Variants in TAFA2 observed in about 807,000 individuals in gnomAD.
TAFA2 encodes chemokine-like protein TAFA-2.
A neutral mutation model predicts 18.8 loss-of-function variants in TAFA2; 7 were observed. The ratio of observed to expected loss-of-function variants is 0.37; its 90% CI spans 0.21 to 0.70. The LOEUF is 0.70. Ranked by LOEUF, TAFA2 falls within the 30% of genes least tolerant of loss-of-function variation. The pLI, the probability that TAFA2 is intolerant of heterozygous loss-of-function variation, is 0.53. For missense variants in TAFA2, 122 were observed against 158.1 expected, an observed-to-expected ratio of 0.77 and a Z score of 1.23; for synonymous variants, 60 against 54.2, an observed-to-expected ratio of 1.11 and a Z score of -0.47.
intron 2 of TAFA2, among the ~76,000 whole-genome samples, chr12:61,807,519 C>A (rs1180881850): frequency 6.6e-6 from 1 of 151,222 alleles, no homozygotes; most frequent in Non-Finnish European, 1.5e-5. Flanking sequence ...TACTGGGGCA[C>A]CACCTAATGG....
intron 1 of TAFA2, among the ~76,000 whole-genome samples, chr12:61,945,409 CCT>C (rs1259688588): frequency 8.9e-6 from 1 of 112,732 alleles, no homozygotes; most frequent in Non-Finnish European, 1.8e-5. Flanking sequence ...ACAGGGATGC[CCT>C]CTCTCACCGC....
intron 2 of TAFA2, among the ~76,000 whole-genome samples, chr12:61,793,132 A>T (rs1412358665): frequency 6.6e-6 from 1 of 151,590 alleles, no homozygotes; most frequent in Non-Finnish European, 1.5e-5. Flanking sequence ...ACCTTATAGC[A>T]CTAAGCATCT....
At chr12:61,713,988 CTG>C (rs1268951492) in intron 4 of TAFA2, among the ~76,000 whole-genome samples, 6 of 152,126 alleles carry the variant, frequency 3.9e-5, no homozygotes, top group East Asian at 1.9e-4. Flanking sequence ...TTCATTCAAA[CTG>C]TATTTTTTGG....
At chr12:62,078,866 G>A (rs1005184900) in intron 1 of TAFA2, among the ~76,000 whole-genome samples, 1 of 152,212 alleles carries the variant, frequency 6.6e-6, no homozygotes, top group Non-Finnish European at 1.5e-5. Flanking sequence ...TCCATCATGA[G>A]CTATGGCCTT....
intron 4 of TAFA2, among the ~76,000 whole-genome samples, chr12:61,738,808 T>C (rs1868352395): frequency 6.6e-6 from 1 of 152,080 alleles, no homozygotes; most frequent in Non-Finnish European, 1.5e-5. Flanking sequence ...CTCCAATGAA[T>C]TTGTGCTTTC....
intron 1 of TAFA2, among the ~76,000 whole-genome samples, chr12:62,184,806 A>C (rs1189576723): frequency 1.3e-5 from 2 of 151,932 alleles, no homozygotes. Flanking sequence ...GGCTGAAAAA[A>C]CACTTTATTT....
At chr12:62,254,799 A>G (rs2062930699) in intron 1 of TAFA2, among the ~76,000 whole-genome samples, 1 of 152,230 alleles carries the variant, frequency 6.6e-6, no homozygotes, top group Non-Finnish European at 1.5e-5. Context: ...CCTGAAACAT[A>G]GATACATTCT....
chr12:62,131,834 T>G (rs925405633), intron 1 of TAFA2, among the ~76,000 whole-genome samples: 4 of 152,004 alleles, frequency 2.6e-5, no homozygotes, highest in African/African-American at 9.7e-5. Flanking sequence ...CAAACCACTA[T>G]TCCCCATTTT....
chr12:61,934,960 C>T lies in TAFA2; in HGVS notation c.-1-67534G>A, dbSNP rs186591901. 3.0e-3 allele frequency among the ~76,000 whole-genome samples: 463 copies of T among 152,156 alleles called. 4 individuals are homozygous for T. Among genetic ancestry groups the T allele is most frequent in the African/African-American group, 8.5e-3 (353 of 41,524 alleles). On this transcript the variant is annotated intron_variant, in intron 1 of 4. Transcript: ENST00000416284. ...AGTGAAGAACACATATATCTCAGAT[C>T]GGATATGATTTATTAAAAAGTAGGT...
chr12:62,120,281 C>T (rs988304589), intron 1 of TAFA2, among the ~76,000 whole-genome samples: 3 of 152,136 alleles, frequency 2.0e-5, no homozygotes, highest in Non-Finnish European at 4.4e-5. Flanking sequence ...ACTTCAACTA[C>T]GTCTGTAATT....
At chr12:61,767,801 G>C (rs1406409635) in intron 2 of TAFA2, among the ~76,000 whole-genome samples, 1 of 148,386 alleles carries the variant, frequency 6.7e-6, no homozygotes. Context: ...TTAGTTTTTA[G>C]AAAAAAAAAG....
At chr12:62,041,462 T>A (rs959205428) in intron 1 of TAFA2, among the ~76,000 whole-genome samples, 1 of 152,152 alleles carries the variant, frequency 6.6e-6, no homozygotes, top group Non-Finnish European at 1.5e-5. Context: ...ACAGAAATAG[T>A]TAAAAGATAT....
intron 1 of TAFA2, among the ~76,000 whole-genome samples, chr12:61,916,320 T>C (rs998839553): frequency 1.3e-5 from 2 of 152,218 alleles, no homozygotes; most frequent in East Asian, 3.9e-4. Flanking sequence ...TCTGAGTCTA[T>C]GTTTCCTCAA....
intron 2 of TAFA2, among the ~76,000 whole-genome samples, chr12:61,842,834 C>T (rs1172154126): frequency 1.3e-5 from 2 of 152,088 alleles, no homozygotes; most frequent in East Asian, 3.9e-4. Flanking sequence ...CACATGTAAA[C>T]TTAAACCACA....
chr12:62,126,744 C>T (rs1354460730), intron 1 of TAFA2, among the ~76,000 whole-genome samples: 2 of 151,930 alleles, frequency 1.3e-5, no homozygotes, highest in East Asian at 1.9e-4. Flanking sequence ...GAGATGACGC[C>T]GGAGAGCCAC....
In TAFA2 at chr12:62,161,314, A is replaced by G. The variant is rs373784283; in HGVS notation, c.-2+29945T>C. On this transcript the variant is annotated intron_variant, in intron 1 of 4. Transcript: ENST00000416284. The stretch of plus-strand genomic sequence containing the variant: ...TATGGAATCAACCTAAGTGTCCATC[A>G]GTGGATAACTGCATAAAGAAAATAT... Among the ~76,000 whole-genome samples, 4 of 152,248 alleles carry G rather than the reference A, an allele frequency of 2.6e-5. No homozygotes were observed. In the East Asian group the frequency reaches 7.7e-4, roughly 29 times the overall value.
intron 2 of TAFA2, among the ~76,000 whole-genome samples, chr12:61,817,328 G>T: frequency 6.6e-6 from 1 of 152,126 alleles, no homozygotes; most frequent in African/African-American, 2.4e-5. Context: ...GGCCTAGTCT[G>T]TCACAAAGCA....
At chr12:61,763,138 A>T (rs1370592806) in intron 2 of TAFA2, among the ~76,000 whole-genome samples, 1 of 152,108 alleles carries the variant, frequency 6.6e-6, no homozygotes, top group Non-Finnish European at 1.5e-5. Context: ...TAAATAGCTC[A>T]ATGAAATTTC....
At chr12:62,151,016 A>G (rs1345363596) in intron 1 of TAFA2, among the ~76,000 whole-genome samples, 1 of 151,946 alleles carries the variant, frequency 6.6e-6, no homozygotes, top group African/African-American at 2.4e-5. Context: ...AAAGACAGTC[A>G]CAGTAAATCC....
Sources: allele counts gnomAD v4.1 joint callset (sites outside exome capture counted in the v4.1 genomes callset), GRCh38; gene constraint gnomAD v4.1.1; transcripts MANE v1.5; gene names NCBI Gene and HGNC (gene_info 2026-07-23, HGNC 2026-07-21).